SLC45A4: variants seen among roughly 807,000 people sequenced by gnomAD.
SLC45A4 encodes the protein solute carrier family 45 member 4.
In SLC45A4, 32 loss-of-function variants were observed where a neutral mutation model predicts 63.7. That is an observed-to-expected ratio of 0.50 (90% confidence interval 0.38 to 0.67). SLC45A4 has a LOEUF of 0.67. SLC45A4 is among the 30% of genes least tolerant of loss of function. The pLI is 0.00. For missense variants in SLC45A4, 1,027 were observed against 1,157.7 expected (o/e 0.89, Z 1.64); for synonymous variants, 535 against 510.0 (o/e 1.05, Z -0.66).
chr8:141,251,674 G>T (rs1436278472), intron 2 of SLC45A4, among the ~76,000 whole-genome samples: 8 of 152,050 alleles, frequency 5.3e-5, no homozygotes, highest in Non-Finnish European at 1.0e-4. Flanking sequence ...GCCTTCTCAT[G>T]AAGCCTTCTC....
At chr8:141,274,952 A>G (rs1333520048) in intron 1 of SLC45A4, among the ~76,000 whole-genome samples, 1 of 152,226 alleles carries the variant, frequency 6.6e-6, no homozygotes, top group Non-Finnish European at 1.5e-5. Flanking sequence ...GCCACTGCGG[A>G]TGGGAGACAG....
chr8:141,207,243 A>G lies in SLC45A4; in HGVS notation c.*4329T>C, dbSNP rs189191478. The stretch of plus-strand genomic sequence containing the variant: ...ACAGACACAAGGAGGTTCTGTGTGC[A>G]TGGAGGAAATCAGGGCGCCGCACAG... On this transcript the variant is annotated 3_prime_UTR_variant, in exon 9 of 9. Transcript: ENST00000517878. 6.2e-4 allele frequency: 95 copies of G among 152,554 alleles called. No individual in the cohort carries two copies. Among genetic ancestry groups the G allele is most frequent in the Non-Finnish European group, 2.6e-4 (18 of 68,162 alleles). The allele number at this position is 152,554 out of a possible 1,614,324, so 9.5% of individuals were successfully genotyped here.
chr8:141,268,868 AGCTTG>A (rs1829394867), intron 1 of SLC45A4, among the ~76,000 whole-genome samples: 1 of 152,234 alleles, frequency 6.6e-6, no homozygotes, highest in Non-Finnish European at 1.5e-5. Context: ...GGAAAAACCC[AGCTTG>A]GCTGCCTCTG....
chr8:141,299,636 G>A (rs1464219446), intron 1 of SLC45A4, among the ~76,000 whole-genome samples: 3 of 152,184 alleles, frequency 2.0e-5, no homozygotes, highest in Non-Finnish European at 2.9e-5. Flanking sequence ...TTTTAATGCC[G>A]TTTTACGTAA....
intron 1 of SLC45A4, among the ~76,000 whole-genome samples, chr8:141,266,230 A>G (rs1221615009): frequency 6.6e-6 from 1 of 152,114 alleles, no homozygotes; most frequent in African/African-American, 2.4e-5. Flanking sequence ...CCCCTTTCAC[A>G]GCCCCTACAC....
intron 2 of SLC45A4, among the ~76,000 whole-genome samples, chr8:141,245,178 C>A (rs1828125477): frequency 6.6e-6 from 1 of 152,152 alleles, no homozygotes; most frequent in African/African-American, 2.4e-5. Context: ...TCATATGTGT[C>A]AACTCTGCAC....
In SLC45A4 at chr8:141,218,659, C is replaced by T. The variant is rs1398325748; in HGVS notation, c.981G>A (p.Leu327=). 3 of 1,613,312 alleles carry T rather than the reference C, an allele frequency of 1.9e-6. No individual in the cohort carries two copies. Among genetic ancestry groups the T allele is most frequent in the Non-Finnish European group, 2.5e-6 (3 of 1,179,900 alleles). ...ALDLEPELLF[L]HDIEPSIFHD... ...GGAAGATGGAGGGCTCGATGTCGTG[C>T]AGGAACAGCAGCTCGGGCTCCAGGT... is the stretch of plus-strand genomic sequence containing the variant. Residue 327 remains leucine, a synonymous_variant, in exon 5 of 9, where the codon CTG becomes CTA. Coordinates refer to ENST00000517878, the MANE Select transcript of SLC45A4 (RefSeq NM_001286646.2).
rs535903836 is a variant in SLC45A4 at position 141,212,436 on chromosome 8, C to T, written c.2062G>A (p.Ala688Thr). 6.8e-6 allele frequency: 11 copies of T among 1,613,768 alleles called. No individual in the cohort carries two copies. The highest frequency in any genetic ancestry group is 1.7e-5 in the Admixed American group (1 of 60,034). Residue 688 changes from alanine to threonine, a missense_variant, in exon 8 of 9, where the codon GCC (alanine) becomes ACC (threonine). By Grantham distance (58) the Ala-to-Thr change is moderately conservative (BLOSUM62 0). Transcript: ENST00000517878. ...GGGATGACGCGGACAGTCCCCACGG[C>T]GTCGACCACGCCCCCAAGGGCAGAG... ...VASALGGVVD[A>T]VGTVRVIPMV...
intron 1 of SLC45A4, among the ~76,000 whole-genome samples, chr8:141,274,721 C>T (rs1829667401): frequency 6.6e-6 from 1 of 152,176 alleles, no homozygotes; most frequent in Admixed American, 6.5e-5. Context: ...GAAGGTCAGC[C>T]ATCTCGAGGG....
rs1829835878 is a variant in SLC45A4 at position 141,278,921 on chromosome 8, C to T, written c.-400-24292G>A. 6.6e-6 allele frequency among the ~76,000 whole-genome samples: 1 copy of T among 152,234 alleles called. No individual in the cohort carries two copies. Among genetic ancestry groups the T allele is most frequent in the Non-Finnish European group, 1.5e-5 (1 of 68,036 alleles). The stretch of plus-strand genomic sequence containing the variant: ...CAGGGCTCCAGCCTCCAGGGCAGCA[C>T]ACCTCAGCCTGCTCTGTCCCCTTCA... On this transcript the variant is annotated intron_variant, in intron 1 of 8. Coordinates refer to ENST00000517878, the MANE Select transcript of SLC45A4 (RefSeq NM_001286646.2). The surrounding 1 kb of genome is among the most constrained non-coding windows in gnomAD (Gnocchi z 4.1).
At chr8:141,274,484 C>T (rs908349388) in intron 1 of SLC45A4, among the ~76,000 whole-genome samples, 1 of 143,712 alleles carries the variant, frequency 7.0e-6, no homozygotes, top group African/African-American at 2.6e-5. Context: ...CAGTGAGCCG[C>T]GATCGCACCA....
chr8:141,216,015 G>T, intron 6 of SLC45A4, 45 bp from the exon 7 acceptor site: 1 of 1,549,818 alleles, frequency 6.5e-7, no homozygotes, highest in Non-Finnish European at 8.8e-7. Flanking sequence ...CAGGCGGCTG[G>T]CTCCTGTCGG....
At chr8:141,271,914 A>C (rs1176069486) in intron 1 of SLC45A4, among the ~76,000 whole-genome samples, 1 of 151,958 alleles carries the variant, frequency 6.6e-6, no homozygotes, top group African/African-American at 2.4e-5. Context: ...ACATGCGCTC[A>C]CACGTGTGCA....
rs1825610594 is a variant in SLC45A4 at position 141,207,986 on chromosome 8, G to A, written c.*3586C>T. The A allele has an allele frequency of 6.6e-6, 1 of 152,388 alleles. No individual in the cohort carries two copies. The highest frequency in any genetic ancestry group is 1.5e-5 in the Non-Finnish European group (1 of 68,140). The allele number at this position is 152,388 out of a possible 1,614,324, so 9.4% of individuals were successfully genotyped here. A position where few individuals can be genotyped will look rare whatever the true frequency, so the allele number is the denominator to read the frequency against. ...CGACAGGCCTGTGGCACCAGGCTTG[G>A]AGGCAGGGAGCTGGTGTCTCTCAGA... On this transcript the variant is annotated 3_prime_UTR_variant, in exon 9 of 9. Coordinates refer to ENST00000517878, the MANE Select transcript of SLC45A4 (RefSeq NM_001286646.2).
chr8:141,234,418 G>A (rs539185697), intron 2 of SLC45A4, among the ~76,000 whole-genome samples: 52 of 152,308 alleles, frequency 3.4e-4, no homozygotes, highest in African/African-American at 9.6e-4. Flanking sequence ...AAGGGCGTCC[G>A]TTGTTTGTTC....
At position 141,254,032 on chromosome 8, in the gene SLC45A4, G is replaced by A. The variant is rs774909426; in HGVS notation, c.198C>T (p.Tyr66=). 72 of 1,536,012 alleles carry A rather than the reference G, an allele frequency of 4.7e-5. No homozygotes were observed. Among genetic ancestry groups the A allele is most frequent in the African/African-American group, 8.2e-5 (6 of 73,040 alleles). ...GTGTGACCAGAGCGGTTTCCATGGC[G>A]TAACAGAACTCCCTGCCAAACATCA... ...GAVMFGREFC[Y]AMETALVTPI... is the part of the protein sequence containing the mutation. The change falls in exon 2 of 9, where the codon TAC becomes TAT. Residue 66 remains tyrosine, a synonymous_variant. Transcript: ENST00000517878. This position sits in a 1 kb window ranked among gnomAD's most constrained non-coding sequence, Gnocchi z 4.5.
intron 1 of SLC45A4, among the ~76,000 whole-genome samples, chr8:141,271,867 T>G (rs1563664057): frequency 6.7e-6 from 1 of 149,256 alleles, no homozygotes; most frequent in Non-Finnish European, 1.5e-5. Context: ...ACACACGCAC[T>G]CACACACGTG....
chr8:141,264,878 C>T (rs531067275), intron 1 of SLC45A4, among the ~76,000 whole-genome samples: 32 of 152,316 alleles, frequency 2.1e-4, no homozygotes, highest in African/African-American at 7.5e-4. Flanking sequence ...AATTTACATG[C>T]AGTGAGAAGG....
At chr8:141,281,576 A>G (rs1193502351) in intron 1 of SLC45A4, among the ~76,000 whole-genome samples, 2 of 152,230 alleles carry the variant, frequency 1.3e-5, no homozygotes, top group Admixed American at 6.5e-5. Context: ...GGTACTGTCA[A>G]CTAAGGCGAC....
Sources: allele counts gnomAD v4.1 joint callset (sites outside exome capture counted in the v4.1 genomes callset), GRCh38; gene constraint gnomAD v4.1.1; non-coding constraint Gnocchi (gnomAD v3.1); transcripts MANE v1.5; gene names NCBI Gene and HGNC (gene_info 2026-07-23, HGNC 2026-07-21).